ZDHHC11B: variants seen among roughly 807,000 people sequenced by gnomAD.
The protein encoded by ZDHHC11B is zDHHC palmitoyltransferase 11B (putative).
Under a neutral mutation model 42.3 loss-of-function variants are expected in ZDHHC11B, and 17 were observed. That is an observed-to-expected ratio of 0.40 (90% CI 0.27 to 0.60). The LOEUF is 0.60. Among genes scored for constraint, ZDHHC11B ranks in the 20% least tolerant of loss-of-function variants. The pLI, the probability that ZDHHC11B is intolerant of heterozygous loss-of-function variation, is 0.41. For synonymous variants in ZDHHC11B, 123 were observed against 193.5 expected (o/e 0.64, Z 3.02); for missense variants, 262 against 463.2 (o/e 0.57, Z 3.99).
chr5:718,315 A>G (rs1401953643), intron 12 of ZDHHC11B, among the ~76,000 whole-genome samples: 1 of 151,726 alleles, frequency 6.6e-6, no homozygotes, highest in Non-Finnish European at 1.5e-5. Flanking sequence ...TATAAAGAGC[A>G]ATTGCAATGA....
At chr5:769,271 G>T (rs1735763996) in intron 1 of ZDHHC11B, among the ~76,000 whole-genome samples, 1 of 131,360 alleles carries the variant, frequency 7.6e-6, no homozygotes, top group East Asian at 2.2e-4. Flanking sequence ...CGAAACGGTG[G>T]CGTGTACCTG....
intron 4 of ZDHHC11B, among the ~76,000 whole-genome samples, chr5:757,795 A>G (rs1486384418): frequency 2.0e-5 from 3 of 151,710 alleles, no homozygotes; most frequent in African/African-American, 7.3e-5. Context: ...TGCCAAGGGG[A>G]TGGGACTGGG....
rs879053544 is a variant in ZDHHC11B at position 710,870 on chromosome 5, C to A, written c.*1420G>T. 7.2e-6 allele frequency: 1 copy of A among 138,946 alleles called. No homozygotes were observed. Among genetic ancestry groups the A allele is most frequent in the Non-Finnish European group, 1.5e-5 (1 of 65,020 alleles). 8.6% of individuals were successfully genotyped at this position (138,946 alleles called of 1,614,324 possible). A position where few individuals can be genotyped will look rare whatever the true frequency, so the allele number is the denominator to read the frequency against. On this transcript the variant is annotated 3_prime_UTR_variant, in exon 14 of 14. Transcript: ENST00000508859. ...TCCCAGTACTGTGAGCTCCCATTTC[C>A]CAGTACTGTGCTCCCAATTCCCAGT...
chr5:762,125 C>T (rs1327201208), intron 4 of ZDHHC11B, among the ~76,000 whole-genome samples: 1 of 151,550 alleles, frequency 6.6e-6, no homozygotes, highest in Non-Finnish European at 1.5e-5. Flanking sequence ...ACTCCCAGCC[C>T]CAGACGGCCA....
intron 1 of ZDHHC11B, among the ~76,000 whole-genome samples, chr5:772,119 G>A (rs1262985257): frequency 1.3e-5 from 2 of 151,606 alleles, no homozygotes; most frequent in East Asian, 3.9e-4. Flanking sequence ...GAGGAGTGAA[G>A]AGGAGAAACT....
At chr5:771,449 G>C (rs1200918561) in intron 1 of ZDHHC11B, among the ~76,000 whole-genome samples, 1 of 151,444 alleles carries the variant, frequency 6.6e-6, no homozygotes, top group East Asian at 1.9e-4. Context: ...GGGCCGCATG[G>C]GGGCAGGGTC....
chr5:716,692 A>G, intron 13 of ZDHHC11B, 109 bp downstream of exon 13: 1 of 1,374,018 alleles, frequency 7.3e-7, no homozygotes, highest in South Asian at 1.2e-5. Context: ...AACGACAAGC[A>G]GCCCAGCCCT....
At chr5:762,753 G>GA (rs1242232701) in intron 4 of ZDHHC11B, among the ~76,000 whole-genome samples, 3 of 150,830 alleles carry the variant, frequency 2.0e-5, no homozygotes, top group African/African-American at 7.3e-5. Context: ...TAAGATGATA[G>GA]AAAAAAAAGC....
At chr5:722,813 GC>G (rs1342944298) in intron 12 of ZDHHC11B, among the ~76,000 whole-genome samples, 1 of 151,282 alleles carries the variant, frequency 6.6e-6, no homozygotes, top group Non-Finnish European at 1.5e-5. Flanking sequence ...AGAAGCAAAC[GC>G]CAACAGACTA....
chr5:780,743 G>T (rs1736897798), intron 1 of ZDHHC11B, among the ~76,000 whole-genome samples: 1 of 151,442 alleles, frequency 6.6e-6, no homozygotes, highest in Non-Finnish European at 1.5e-5. Flanking sequence ...AAGCCTGGTG[G>T]GAGGTGAGGC....
intron 13 of ZDHHC11B, among the ~76,000 whole-genome samples, chr5:713,890 G>A (rs1741547939): frequency 7.2e-6 from 1 of 138,182 alleles, no homozygotes; most frequent in African/African-American, 2.6e-5. Context: ...TTTTGGCTGT[G>A]CTCTCAGCTT....
chr5:738,852 T>C (rs1743824217), intron 10 of ZDHHC11B, among the ~76,000 whole-genome samples: 2 of 150,680 alleles, frequency 1.3e-5, no homozygotes, highest in South Asian at 2.1e-4. Flanking sequence ...CAGAAAAACT[T>C]TTCTAGGCAT....
At chr5:730,072 C>T (rs1296255673) in intron 12 of ZDHHC11B, among the ~76,000 whole-genome samples, 1 of 151,556 alleles carries the variant, frequency 6.6e-6, no homozygotes, top group Non-Finnish European at 1.5e-5. Context: ...GAGCTGTCAT[C>T]AGTGGATGTA....
rs368308346 is a variant in ZDHHC11B at position 711,450 on chromosome 5, T to C, written c.*840A>G. 52 of 156,366 alleles carry C rather than the reference T, an allele frequency of 3.3e-4. No individual in the cohort carries two copies. The highest frequency in any genetic ancestry group is 1.2e-3 in the African/African-American group (51 of 41,192). The allele number at this position is 156,366 out of a possible 1,614,324, so 9.7% of individuals were successfully genotyped here. ...CAATTCCCAGTACTGTGCTCCCATTTCCCAGTGCTGTATACTCCTATTTCC... is the reference window on the plus strand; with the variant it reads ...CAATTCCCAGTACTGTGCTCCCATTCCCCAGTGCTGTATACTCCTATTTCC... On this transcript the variant is annotated 3_prime_UTR_variant, in exon 14 of 14. Coordinates refer to ENST00000508859, the MANE Select transcript of ZDHHC11B (RefSeq NM_001351303.2).
At chr5:774,723 C>T (rs1431149452) in intron 1 of ZDHHC11B, among the ~76,000 whole-genome samples, 1 of 51,330 alleles carries the variant, frequency 1.9e-5, no homozygotes, top group East Asian at 6.9e-4. Flanking sequence ...GGGGTCTGCC[C>T]CTTGGGCCTG....
chr5:784,431 G>T (rs1737103355), intron 1 of ZDHHC11B, among the ~76,000 whole-genome samples: 1 of 152,192 alleles, frequency 6.6e-6, no homozygotes, highest in Non-Finnish European at 1.5e-5. Context: ...GGTGACCCCC[G>T]CTCGCGGCCT....
At chr5:756,937 C>T (rs1207368024) in intron 4 of ZDHHC11B, among the ~76,000 whole-genome samples, 11 of 151,762 alleles carry the variant, frequency 7.2e-5, no homozygotes, top group Non-Finnish European at 1.0e-4. Flanking sequence ...CTCAGGGACC[C>T]TGGGCCTCTG....
chr5:720,167 G>A (rs1468360295), intron 12 of ZDHHC11B, among the ~76,000 whole-genome samples: 4 of 151,754 alleles, frequency 2.6e-5, no homozygotes, highest in African/African-American at 9.7e-5. Context: ...CACATCCAAG[G>A]AGCTCAACGA....
Position 748,458 on chromosome 5 carries a change from C to A in ZDHHC11B, c.730G>T (p.Asp244Tyr), listed in dbSNP as rs754604761. The change falls in exon 8 of 14, where the codon GAC becomes TAC. Residue 244 changes from aspartate to tyrosine, a missense_variant. Asp to Tyr is a radical substitution (Grantham distance 160). Coordinates refer to ENST00000508859, the MANE Select transcript of ZDHHC11B (RefSeq NM_001351303.2). ...VIIRMLVLLL[D>Y]LLGLVQLGQL... The stretch of plus-strand genomic sequence containing the variant: ...CCCAGCTGCACCAAGCCAAGAAGGT[C>A]CAGCAGGAGCACGAGCATCCTGATG... The A allele has an allele frequency of 3.7e-6, 5 of 1,362,492 alleles. 1 individual carries two copies. Among genetic ancestry groups the A allele is most frequent in the Admixed American group, 4.8e-5 (2 of 41,702 alleles). The allele number at this position is 1,362,492 out of a possible 1,614,324, so 84.4% of individuals were successfully genotyped here. A position where few individuals can be genotyped will look rare whatever the true frequency, so the allele number is the denominator to read the frequency against.
Sources: allele counts gnomAD v4.1 joint callset (sites outside exome capture counted in the v4.1 genomes callset), GRCh38; gene constraint gnomAD v4.1.1; transcripts MANE v1.5; gene names NCBI Gene and HGNC (gene_info 2026-07-23, HGNC 2026-07-21).